The following CLVS1 variants were observed in gnomAD, a reference collection of about 807,000 sequenced individuals.
The protein encoded by CLVS1 is clavesin 1.
In CLVS1, 10 loss-of-function variants were observed where a neutral mutation model predicts 33.1. That is an observed-to-expected ratio of 0.30 (90% CI 0.19 to 0.51). The LOEUF (loss-of-function observed/expected upper bound fraction) is 0.51. CLVS1 is among the 20% of genes least tolerant of loss of function. CLVS1 has a pLI of 0.97. For synonymous variants in CLVS1, 163 were observed against 166.1 expected, an observed-to-expected ratio of 0.98 and a Z score of 0.14; for missense variants, 343 against 433.4, an observed-to-expected ratio of 0.79 and a Z score of 1.85.
chr8:61,202,354 G>T, intron 2 of CLVS1: 1 of 740,812 alleles, frequency 1.3e-6, no homozygotes, highest in Non-Finnish European at 2.5e-6. Flanking sequence ...CCTCCCGATG[G>T]AAGATCTGAT....
chr8:61,389,605 A>G (rs1174254914), intron 3 of CLVS1, among the ~76,000 whole-genome samples: 1 of 152,192 alleles, frequency 6.6e-6, no homozygotes, highest in Non-Finnish European at 1.5e-5. Flanking sequence ...AAAATTTTGC[A>G]ACTGAAGCTA....
chr8:61,327,952 T>A (rs530278969), intron 2 of CLVS1, among the ~76,000 whole-genome samples: 1 of 152,200 alleles, frequency 6.6e-6, no homozygotes, highest in East Asian at 1.9e-4. Context: ...AAGACATGCA[T>A]TGTTTAATTA....
chr8:61,202,664 G>A (rs1807759207), intron 2 of CLVS1: 4 of 1,536,672 alleles, frequency 2.6e-6, no homozygotes, highest in Non-Finnish European at 3.6e-6. Context: ...TTGAAGTGTG[G>A]TTCAGGGCCA....
intron 1 of CLVS1, among the ~76,000 whole-genome samples, chr8:61,086,937 C>G (rs113216149): frequency 1.3e-5 from 2 of 152,166 alleles, no homozygotes; most frequent in Non-Finnish European, 2.9e-5. Flanking sequence ...AAAGTTGTTG[C>G]GTACTCATGA....
rs1037034101 is a variant in CLVS1 at position 61,499,629 on chromosome 8, C to T, written c.*87C>T. ...CACATGCACAACTGACCCATGCAGA[C>T]ACGTGTGTTCTGCTTGACACAAGGT... On this transcript the variant is annotated 3_prime_UTR_variant, in exon 6 of 6. Coordinates refer to ENST00000325897, the MANE Select transcript of CLVS1 (RefSeq NM_173519.3). The T allele has an allele frequency of 4.5e-6, 4 of 892,166 alleles. No homozygotes were observed. Among genetic ancestry groups the T allele is most frequent in the African/African-American group, 3.3e-5 (2 of 60,698 alleles). 55.3% of individuals were successfully genotyped at this position (892,166 alleles called of 1,614,324 possible).
chr8:61,193,397 A>T (rs1005598868), intron 2 of CLVS1, among the ~76,000 whole-genome samples: 3 of 152,230 alleles, frequency 2.0e-5, no homozygotes, highest in African/African-American at 7.2e-5. Flanking sequence ...GAGGGATAGC[A>T]TTAGGAGATA....
chr8:61,299,389 G>T (rs1441374679), intron 1 of CLVS1, among the ~76,000 whole-genome samples: 1 of 152,132 alleles, frequency 6.6e-6, no homozygotes, highest in Non-Finnish European at 1.5e-5. Flanking sequence ...TAATAAAAGT[G>T]CATGCTATTG....
intron 2 of CLVS1, among the ~76,000 whole-genome samples, chr8:61,163,689 T>G (rs778477308): frequency 1.3e-5 from 2 of 152,110 alleles, no homozygotes; most frequent in Non-Finnish European, 2.9e-5. Context: ...AGCCGTGGGT[T>G]GTGGAAGAGA....
At chr8:61,042,996 T>C in the CLVS1 span, among the ~76,000 whole-genome samples, 1 of 152,178 alleles carries the variant, frequency 6.6e-6, no homozygotes, top group Admixed American at 6.5e-5. Flanking sequence ...ATGTCCAGCT[T>C]GTTCAAAAGC....
chr8:60,986,036 G>A, the CLVS1 span, among the ~76,000 whole-genome samples: 1 of 152,190 alleles, frequency 6.6e-6, no homozygotes. Flanking sequence ...ATTCATCTCA[G>A]TTTGATAGGG....
the CLVS1 span, among the ~76,000 whole-genome samples, chr8:61,008,742 T>C: frequency 3.9e-5 from 6 of 152,226 alleles, no homozygotes; most frequent in African/African-American, 1.4e-4. Flanking sequence ...TGAGTTACCC[T>C]GCAAAAATGC....
intron 2 of CLVS1, among the ~76,000 whole-genome samples, chr8:61,264,365 G>T (rs1338492760): frequency 6.6e-6 from 1 of 152,102 alleles, no homozygotes; most frequent in Non-Finnish European, 1.5e-5. Flanking sequence ...AGATTGCAGT[G>T]GGAAAAATGG....
the CLVS1 span, among the ~76,000 whole-genome samples, chr8:61,018,535 T>G: frequency 6.6e-6 from 1 of 152,226 alleles, no homozygotes; most frequent in Non-Finnish European, 1.5e-5. Flanking sequence ...GGCAAAGTGT[T>G]TCAGGAACTG....
At chr8:61,329,229 C>T (rs898635934) in intron 2 of CLVS1, among the ~76,000 whole-genome samples, 5 of 151,588 alleles carry the variant, frequency 3.3e-5, no homozygotes, top group Non-Finnish European at 7.4e-5. Flanking sequence ...CTCTCTCTCT[C>T]ATCTCCTTGC....
chr8:61,368,560 C>G (rs1813306257), intron 2 of CLVS1, among the ~76,000 whole-genome samples: 1 of 152,294 alleles, frequency 6.6e-6, no homozygotes, highest in East Asian at 1.9e-4. Context: ...AGTCCCCAAA[C>G]TCTCTCCATA....
chr8:61,469,226 C>T (rs143005116), intron 5 of CLVS1, among the ~76,000 whole-genome samples: 313 of 152,316 alleles, frequency 2.1e-3, no homozygotes, highest in African/African-American at 7.1e-3. Context: ...AATATTACAC[C>T]ATCTGTGCAG....
At chr8:61,345,541 C>CTAAT in intron 2 of CLVS1, among the ~76,000 whole-genome samples, 1 of 152,074 alleles carries the variant, frequency 6.6e-6, no homozygotes, top group African/African-American at 2.4e-5. Context: ...AAAGAAACTC[C>CTAAT]TAATTACATT....
At chr8:61,206,625 G>A (rs1402604823) in intron 2 of CLVS1, among the ~76,000 whole-genome samples, 1 of 134,942 alleles carries the variant, frequency 7.4e-6, no homozygotes, top group Non-Finnish European at 1.5e-5. Flanking sequence ...GTCTCGCTCT[G>A]TTGCCCAGGC....
intron 2 of CLVS1, among the ~76,000 whole-genome samples, chr8:61,372,507 T>C (rs1424101671): frequency 2.0e-5 from 3 of 152,202 alleles, no homozygotes; most frequent in Non-Finnish European, 4.4e-5. Flanking sequence ...GTCTATTATT[T>C]TCAGCTTATA....
Sources: allele counts gnomAD v4.1 joint callset (sites outside exome capture counted in the v4.1 genomes callset), GRCh38; gene constraint gnomAD v4.1.1; transcripts MANE v1.5; gene names NCBI Gene and HGNC (gene_info 2026-07-23, HGNC 2026-07-21).